The following LPO variants were observed in gnomAD, a reference collection of about 807,000 sequenced individuals.
LPO encodes the protein lactoperoxidase, also known as salivary peroxidase.
In LPO, 70 loss-of-function variants were observed where a neutral mutation model predicts 68.4. The ratio of observed to expected loss-of-function variants is 1.02; its 90% CI spans 0.84 to 1.25. The LOEUF (loss-of-function observed/expected upper bound fraction) is 1.25. Ranked by LOEUF, LPO falls within the 50% of genes most tolerant of loss-of-function variation. LPO has a pLI of 0.00. For missense variants in LPO, 873 were observed against 908.4 expected, an observed-to-expected ratio of 0.96 and a Z score of 0.50; for synonymous variants, 360 against 357.6, an observed-to-expected ratio of 1.01 and a Z score of -0.08.
At position 58,264,892 on chromosome 17, in the gene LPO, T is replaced by C; in HGVS notation, c.1437T>C (p.Asp479=). The change falls in exon 10 of 13, where the codon GAT becomes GAC. Residue 479 remains aspartate, a synonymous_variant. Coordinates refer to ENST00000262290, the MANE Select transcript of LPO (RefSeq NM_006151.3). ...LEVPSSMFRL[D]ENYQPWGPEP... ...TCCCCTCTAGTATGTTCCGCCTGGA[T>C]GAGAATTATCAGCCATGGGGGCCAG... The C allele has an allele frequency of 6.2e-7, 1 of 1,612,200 alleles. No individual in the cohort carries two copies. The highest frequency in any genetic ancestry group is 8.5e-7 in the Non-Finnish European group (1 of 1,178,204).
rs770435038 is a variant in LPO at position 58,252,214 on chromosome 17, A to C, written c.813A>C (p.Gln271His). Residue 271 changes from glutamine (Q) to histidine (H), a missense_variant, in exon 8 of 13, where the codon CAA (glutamine) becomes CAC (histidine). By Grantham distance (24) the Gln-to-His change is conservative. Transcript: ENST00000262290. ...FPPNDPKAGT[Q>H]GKCMPFFRAG... ...CCAATGACCCCAAGGCGGGGACTCA[A>C]GGGAAATGCATGCCTTTCTTCCGAG... 6.2e-7 allele frequency: 1 copy of C among 1,614,100 alleles called. No individual in the cohort carries two copies. Among genetic ancestry groups the C allele is most frequent in the Admixed American group, 1.7e-5 (1 of 60,014 alleles).
intron 10 of LPO, among the ~76,000 whole-genome samples, chr17:58,265,432 GT>G (rs1257703341): frequency 1.3e-5 from 2 of 152,102 alleles, no homozygotes; most frequent in Admixed American, 1.3e-4. Context: ...GCTATGTTGT[GT>G]TGAAATTAAC....
intron 10 of LPO, among the ~76,000 whole-genome samples, chr17:58,265,740 A>G (rs769911840): frequency 2.0e-5 from 3 of 150,570 alleles, no homozygotes; most frequent in African/African-American, 7.3e-5. Flanking sequence ...ACACCCCCAT[A>G]CCTGGCTAAT....
At chr17:58,267,082 T>C (rs8178406) in intron 11 of LPO, among the ~76,000 whole-genome samples, 74,741 of 152,182 alleles carry the variant, frequency 0.49, 20,894 homozygotes, top group African/African-American at 0.78. Flanking sequence ...CTTCATTTAC[T>C]TATTTGCACA....
chr17:58,249,971 C>T lies in LPO; in HGVS notation c.573+276C>T, dbSNP rs535845497. Among the ~76,000 whole-genome samples, 567 of 152,304 alleles carry T rather than the reference C, an allele frequency of 3.7e-3. 5 individuals are homozygous for T. Among genetic ancestry groups the T allele is most frequent in the Non-Finnish European group, 5.1e-3 (344 of 68,026 alleles). On this transcript the variant is annotated intron_variant, in intron 6 of 12. Coordinates refer to ENST00000262290, the MANE Select transcript of LPO (RefSeq NM_006151.3). ...CCCATCCCGCTCGCACTTACCCCAG[C>T]CCCCGCCCCTGGAGTGCATCAGCTG...
intron 9 of LPO, among the ~76,000 whole-genome samples, chr17:58,261,374 G>A (rs192616218): frequency 2.6e-5 from 4 of 152,224 alleles, no homozygotes; most frequent in Admixed American, 2.0e-4. Context: ...TTATCATTAT[G>A]TAATTTCCAC....
intron 9 of LPO, among the ~76,000 whole-genome samples, chr17:58,262,574 G>A (rs8178389): frequency 7.2e-5 from 11 of 152,078 alleles, no homozygotes; most frequent in African/African-American, 2.4e-4. Context: ...TGTATTTTTA[G>A]TAGAGACAGG....
chr17:58,242,393 G>C (rs1409478871), intron 1 of LPO, among the ~76,000 whole-genome samples: 2 of 152,202 alleles, frequency 1.3e-5, no homozygotes, highest in Non-Finnish European at 2.9e-5. Flanking sequence ...TGAGGGAAGG[G>C]GAAGCCCCTG....
chr17:58,239,277 C>T (rs1969712627), intron 1 of LPO, among the ~76,000 whole-genome samples: 1 of 150,384 alleles, frequency 6.6e-6, no homozygotes, highest in African/African-American at 2.5e-5. Flanking sequence ...CTAGTTTGCC[C>T]TCAATGTCTA....
intron 12 of LPO, 86 bp downstream of exon 12, chr17:58,267,672 G>T: frequency 6.8e-7 from 1 of 1,463,252 alleles, no homozygotes; most frequent in Non-Finnish European, 9.4e-7. Context: ...GCTGACTCCG[G>T]ATCTCAGTGT....
chr17:58,244,189 C>A, intron 3 of LPO, 108 bp downstream of exon 3: 1 of 839,044 alleles, frequency 1.2e-6, no homozygotes. Flanking sequence ...CCGGATGAGC[C>A]AATGAGGTGA....
chr17:58,267,271 C>T (rs1970285387), intron 11 of LPO, 78 bp from the exon 12 acceptor site: 2 of 1,087,152 alleles, frequency 1.8e-6, no homozygotes, highest in Non-Finnish European at 2.8e-6. Context: ...GCTGATAGAG[C>T]TGGAGTGGAC....
At chr17:58,245,106 C>G (rs1969829237) in intron 3 of LPO, among the ~76,000 whole-genome samples, 1 of 152,228 alleles carries the variant, frequency 6.6e-6, no homozygotes, top group African/African-American at 2.4e-5. Context: ...CTGGACGCTT[C>G]TAGTCCCCAG....
At chr17:58,240,581 A>G (rs1170171639) in intron 1 of LPO, among the ~76,000 whole-genome samples, 1 of 152,182 alleles carries the variant, frequency 6.6e-6, no homozygotes, top group East Asian at 1.9e-4. Context: ...CACACCCACC[A>G]GGAACATTGC....
At chr17:58,265,113 T>C (rs1385529900) in intron 10 of LPO, 139 bp downstream of exon 10, 1 of 1,121,490 alleles carries the variant, frequency 8.9e-7, no homozygotes, top group East Asian at 2.5e-5. Flanking sequence ...AGCCTCAGTT[T>C]CCTCATTTAT....
intron 3 of LPO, among the ~76,000 whole-genome samples, chr17:58,244,795 G>T (rs1183270430): frequency 6.6e-6 from 1 of 152,210 alleles, no homozygotes; most frequent in African/African-American, 2.4e-5. Flanking sequence ...CGCCCAACAA[G>T]GTTACTGGAG....
chr17:58,240,803 T>C (rs1378089905), intron 1 of LPO, among the ~76,000 whole-genome samples: 1 of 152,220 alleles, frequency 6.6e-6, no homozygotes, highest in African/African-American at 2.4e-5. Flanking sequence ...AAAAATGGAC[T>C]AATTTTTTAC....
chr17:58,241,537 G>A (rs1195574402), intron 1 of LPO, among the ~76,000 whole-genome samples: 1 of 152,170 alleles, frequency 6.6e-6, no homozygotes, highest in Non-Finnish European at 1.5e-5. Flanking sequence ...CCCTGAAGTT[G>A]CAAAATATGG....
rs373496640 is a variant in LPO, at chr17:58,252,295, C to T, written c.894C>T (p.Asn298=). Residue 298 remains asparagine (N), a synonymous_variant, in exon 8 of 13, where the codon AAC becomes AAT. Transcript: ENST00000262290. ...PYKSLAREQI[N]ALTSFLDASF... The stretch of plus-strand genomic sequence containing the variant: ...AGTCCCTGGCCCGAGAGCAGATCAA[C>T]GCTCTGACCTCCTTCCTGGATGCCA... 2.6e-5 allele frequency: 42 copies of T among 1,614,130 alleles called. No homozygotes were observed. The highest frequency in any genetic ancestry group is 3.3e-5 in the Non-Finnish European group (39 of 1,180,062).
Sources: allele counts gnomAD v4.1 joint callset (sites outside exome capture counted in the v4.1 genomes callset), GRCh38; gene constraint gnomAD v4.1.1; transcripts MANE v1.5; gene names NCBI Gene and HGNC (gene_info 2026-07-23, HGNC 2026-07-21).